The following C1orf21 variants were observed in gnomAD, a reference collection of about 807,000 sequenced individuals.
C1orf21 encodes chromosome 1 open reading frame 21.
A neutral mutation model predicts 18.7 loss-of-function variants in C1orf21; 3 were observed. The ratio of observed to expected loss-of-function variants is 0.16; its 90% confidence interval spans 0.07 to 0.42. The LOEUF is 0.42. Among genes scored for constraint, C1orf21 ranks in the 10% least tolerant of loss-of-function variants. The pLI is 0.99. For synonymous variants in C1orf21, 41 were observed against 46.4 expected (o/e 0.88, Z 0.47); for missense variants, 104 against 143.6 (o/e 0.72, Z 1.41).
intron 5 of C1orf21, 29 bp from the exon 6 acceptor site, chr1:184,619,489 A>G: frequency 1.2e-6 from 2 of 1,609,848 alleles, no homozygotes; most frequent in Non-Finnish European, 1.7e-6. Context: ...TTTCTCATTC[A>G]CATGCTCTTT....
At chr1:184,560,950 C>G (rs983495502) in intron 3 of C1orf21, among the ~76,000 whole-genome samples, 2 of 152,182 alleles carry the variant, frequency 1.3e-5, no homozygotes, top group Non-Finnish European at 1.5e-5. Flanking sequence ...GTAAATGATG[C>G]TCTCTGATGT....
At chr1:184,526,298 G>A (rs1025776170) in intron 3 of C1orf21, among the ~76,000 whole-genome samples, 1 of 152,122 alleles carries the variant, frequency 6.6e-6, no homozygotes. Flanking sequence ...CCAAAAAACT[G>A]AACAATAGAA....
intron 3 of C1orf21, among the ~76,000 whole-genome samples, chr1:184,539,773 G>A (rs1288703061): frequency 1.3e-5 from 2 of 152,282 alleles, no homozygotes; most frequent in East Asian, 1.9e-4. Flanking sequence ...TTGTGACCAC[G>A]TGACTTGTTT....
chr1:184,442,704 A>C (rs1348686297), intron 1 of C1orf21, among the ~76,000 whole-genome samples: 1 of 152,164 alleles, frequency 6.6e-6, no homozygotes, highest in Non-Finnish European at 1.5e-5. Context: ...ATCCCAACTT[A>C]CTTACTTGAT....
chr1:184,411,558 A>G (rs1656354551), intron 1 of C1orf21, among the ~76,000 whole-genome samples: 2 of 151,374 alleles, frequency 1.3e-5, no homozygotes, highest in Non-Finnish European at 2.9e-5. Context: ...AGTAGCTGGG[A>G]CTACAGGCGC....
intron 1 of C1orf21, among the ~76,000 whole-genome samples, chr1:184,461,196 G>T (rs144522613): frequency 7.6e-4 from 116 of 152,294 alleles, no homozygotes; most frequent in African/African-American, 2.7e-3. Context: ...CAGTTGGACA[G>T]GGCTCCCTGA....
At chr1:184,453,532 T>A (rs937084912) in intron 1 of C1orf21, among the ~76,000 whole-genome samples, 1 of 152,184 alleles carries the variant, frequency 6.6e-6, no homozygotes, top group Non-Finnish European at 1.5e-5. Context: ...GTTTTAATGT[T>A]TTGTCTTTTT....
intron 1 of C1orf21, among the ~76,000 whole-genome samples, chr1:184,425,108 G>A (rs1180042400): frequency 6.6e-6 from 1 of 152,058 alleles, no homozygotes; most frequent in Non-Finnish European, 1.5e-5. Flanking sequence ...TGAATGTTTG[G>A]GTGTGACTTC....
chr1:184,567,946 A>G (rs1659056648), intron 3 of C1orf21: 1 of 195,866 alleles, frequency 5.1e-6, no homozygotes. Context: ...CTCAAGGCAG[A>G]TAATCCACAA....
intron 2 of C1orf21, among the ~76,000 whole-genome samples, chr1:184,506,508 T>C (rs1372853883): frequency 6.6e-6 from 1 of 152,196 alleles, no homozygotes; most frequent in African/African-American, 2.4e-5. Context: ...TGAACTGAAA[T>C]ATAAACTCTC....
intron 1 of C1orf21, 50 bp from the exon 2 acceptor site, chr1:184,477,336 T>A (rs2101990517): frequency 1.7e-6 from 1 of 587,046 alleles, no homozygotes; most frequent in East Asian, 2.9e-5. Context: ...GTGAGGCTTG[T>A]GTTTTGCTGC....
At chr1:184,605,309 A>T (rs1466618969) in intron 5 of C1orf21, among the ~76,000 whole-genome samples, 2 of 152,160 alleles carry the variant, frequency 1.3e-5, no homozygotes, top group Non-Finnish European at 2.9e-5. Context: ...CTGCATTGTT[A>T]TTTACGAACA....
At chr1:184,478,818 A>G (rs181253828) in intron 2 of C1orf21, among the ~76,000 whole-genome samples, 1 of 152,372 alleles carries the variant, frequency 6.6e-6, no homozygotes, top group Admixed American at 6.5e-5. Context: ...CGATGCTTTC[A>G]TTTATAAAAA....
intron 3 of C1orf21, among the ~76,000 whole-genome samples, chr1:184,511,779 C>G (rs1658149789): frequency 6.6e-6 from 1 of 152,076 alleles, no homozygotes; most frequent in Non-Finnish European, 1.5e-5. Flanking sequence ...GAAGGGAAAA[C>G]AAACCCGTTC....
rs146908818 is a variant in C1orf21 at position 184,572,484 on chromosome 1, G to A, written c.190-18255G>A. The stretch of plus-strand genomic sequence containing the variant: ...CTCACATTTGTGAGTTTTCATTTCA[G>A]CAGTTTACTGAAGTGAAATTTAGAG... On this transcript the variant is annotated intron_variant, in intron 3 of 5. Transcript: ENST00000235307. Among the ~76,000 whole-genome samples the A allele has an allele frequency of 4.8e-3, 737 of 152,280 alleles. 9 individuals carry two copies. The highest frequency in any genetic ancestry group is 0.017 in the African/African-American group (703 of 41,552).
chr1:184,399,935 G>A (rs1656122751), intron 1 of C1orf21, among the ~76,000 whole-genome samples: 1 of 152,048 alleles, frequency 6.6e-6, no homozygotes, highest in African/African-American at 2.4e-5. Flanking sequence ...GAAAATTGAT[G>A]CTTGGTTTTC....
chr1:184,395,242 C>A (rs533606776), intron 1 of C1orf21, among the ~76,000 whole-genome samples: 2 of 152,024 alleles, frequency 1.3e-5, no homozygotes, highest in African/African-American at 4.8e-5. Context: ...GCCCACTGGG[C>A]CTTAAAAGTA....
chr1:184,583,697 A>G (rs948805845), intron 3 of C1orf21, among the ~76,000 whole-genome samples: 2 of 152,206 alleles, frequency 1.3e-5, no homozygotes, highest in Non-Finnish European at 2.9e-5. Flanking sequence ...TCACTTCCAC[A>G]GACTCCTACT....
chr1:184,396,137 G>A (rs1345581212), intron 1 of C1orf21, among the ~76,000 whole-genome samples: 1 of 152,218 alleles, frequency 6.6e-6, no homozygotes, highest in Non-Finnish European at 1.5e-5. Context: ...AGATGAGGCT[G>A]ATGAACTATG....
Sources: gnomAD v4.1 joint callset for allele counts (sites outside exome capture counted in the v4.1 genomes callset) on GRCh38, gnomAD v4.1.1 for gene constraint, MANE v1.5 for transcripts, NCBI Gene and HGNC (gene_info 2026-07-23, HGNC 2026-07-21) for gene names.